The following CCDC141 variants were observed in gnomAD, a reference collection of about 807,000 sequenced individuals.
CCDC141 encodes coiled-coil domain-containing protein 141.
Under a neutral mutation model 181.0 loss-of-function variants are expected in CCDC141, and 168 were observed. That is an observed-to-expected ratio of 0.93 (90% confidence interval 0.82 to 1.05). The LOEUF is 1.05. Ranked by LOEUF, CCDC141 falls within the 50% of genes least tolerant of loss-of-function variation. The pLI, the probability that CCDC141 is intolerant of heterozygous loss-of-function variation, is 0.00. For synonymous variants in CCDC141, 666 were observed against 642.3 expected (o/e 1.04, Z -0.56); for missense variants, 1,902 against 1,788.5 (o/e 1.06, Z -1.14).
rs1405218994 is a variant in CCDC141, at chr2:178,837,223, T to C, written c.3996A>G (p.Leu1332=). 2 of 1,614,078 alleles carry C rather than the reference T, an allele frequency of 1.2e-6. No homozygotes were observed. The change falls in exon 23 of 24, where the codon TTA becomes TTG. Residue 1332 remains leucine, a synonymous_variant. Transcript: ENST00000443758. The stretch of plus-strand genomic sequence containing the variant: ...CACCCTGAGCCTGAGGGTGCTGCTG[T>C]AAAGCTCTCTCATGCACTTCACTCA... ...SMMSEVHERA[L]QQHPQAQGGL...
intron 4 of CCDC141, among the ~76,000 whole-genome samples, chr2:178,972,346 C>A (rs147342132): frequency 6.6e-6 from 1 of 152,156 alleles, no homozygotes; most frequent in Non-Finnish European, 1.5e-5. Flanking sequence ...ACAAATAACA[C>A]GCAACAAATA....
rs555044029 is a variant in CCDC141, at chr2:178,862,317, G to A, written c.2724+3450C>T. Reference sequence around the variant, plus strand: ...AACTTGAGAACACGGATACCAACCCGATTCTGTCATTACTATTCTTTTCAG... The same window carrying A: ...AACTTGAGAACACGGATACCAACCCAATTCTGTCATTACTATTCTTTTCAG... On this transcript the variant is annotated intron_variant, in intron 17 of 23. Transcript: ENST00000443758. 3.6e-4 allele frequency among the ~76,000 whole-genome samples: 55 copies of A among 152,256 alleles called. 1 individual carries two copies. The highest frequency in any genetic ancestry group is 1.2e-3 in the African/African-American group (51 of 41,550).
At chr2:178,874,293 T>C (rs910969760) in intron 12 of CCDC141, 2 of 152,200 alleles carry the variant, frequency 1.3e-5, no homozygotes, top group African/African-American at 2.4e-5. Flanking sequence ...AGGAGGAACT[T>C]ATTTATCATA....
At chr2:178,885,274 A>G (rs868197259) in intron 10 of CCDC141, among the ~76,000 whole-genome samples, 182 bp from the exon 11 acceptor site, 6 of 151,860 alleles carry the variant, frequency 4.0e-5, no homozygotes, top group African/African-American at 1.4e-4. Flanking sequence ...CTTTAGAATG[A>G]AAATCATTTC....
intron 6 of CCDC141, among the ~76,000 whole-genome samples, chr2:178,937,602 A>C (rs1009976643): frequency 6.6e-6 from 1 of 151,892 alleles, no homozygotes; most frequent in African/African-American, 2.4e-5. Flanking sequence ...TGAGTTGGGG[A>C]GGAGTCCTTC....
At chr2:178,970,480 A>G (rs1429306181) in intron 4 of CCDC141, among the ~76,000 whole-genome samples, 1 of 152,190 alleles carries the variant, frequency 6.6e-6, no homozygotes, top group Non-Finnish European at 1.5e-5. Context: ...ATCTACAACC[A>G]TCTGATCTTT....
intron 7 of CCDC141, chr2:178,915,761 G>T (rs1688418452): frequency 6.6e-6 from 1 of 152,220 alleles, no homozygotes; most frequent in Admixed American, 6.5e-5. Flanking sequence ...CCACTTCTCA[G>T]TGTTGGGTCT....
downstream of CCDC141, among the ~76,000 whole-genome samples, chr2:178,824,916 A>T (rs1684098715): frequency 6.6e-6 from 1 of 152,164 alleles, no homozygotes. Context: ...GCCTTCGATA[A>T]AATACAAGTT....
intron 2 of CCDC141, among the ~76,000 whole-genome samples, chr2:178,982,478 G>A (rs1691463650): frequency 1.3e-5 from 2 of 152,222 alleles, no homozygotes; most frequent in East Asian, 3.8e-4. Flanking sequence ...TGGCCGAACA[G>A]GAACAGCTCT....
chr2:178,834,030 G>T lies in CCDC141; in HGVS notation c.*143C>A. 2.6e-6 allele frequency: 2 copies of T among 776,276 alleles called. No homozygotes were observed. The highest frequency in any genetic ancestry group is 4.0e-6 in the Non-Finnish European group (2 of 498,748). 48.1% of individuals were successfully genotyped at this position (776,276 alleles called of 1,614,324 possible). A position where few individuals can be genotyped will look rare whatever the true frequency, so the allele number is the denominator to read the frequency against. ...CCAGAAAATTTGATTATTTCACCTA[G>T]CAGTGGTATTAGCCAAACAAGTATG... is the stretch of plus-strand genomic sequence containing the variant. On this transcript the variant is annotated 3_prime_UTR_variant, in exon 24 of 24. Transcript: ENST00000443758.
chr2:178,898,269 T>C (rs1687508846), intron 8 of CCDC141, among the ~76,000 whole-genome samples: 1 of 152,214 alleles, frequency 6.6e-6, no homozygotes, highest in Non-Finnish European at 1.5e-5. Context: ...TTTTCACACA[T>C]ACCTGGTTTC....
intron 8 of CCDC141, among the ~76,000 whole-genome samples, chr2:178,904,840 C>T (rs1224426781): frequency 6.6e-6 from 1 of 151,986 alleles, no homozygotes; most frequent in East Asian, 1.9e-4. Context: ...GGTCTGGTGC[C>T]CATGCTGTTG....
At chr2:178,828,999 A>AT (rs1684169695), downstream of CCDC141, among the ~76,000 whole-genome samples, 1 of 152,190 alleles carries the variant, frequency 6.6e-6, no homozygotes, top group Non-Finnish European at 1.5e-5. Context: ...TGGAGCTGCT[A>AT]TTTTACAAGT....
chr2:178,893,511 C>G (rs1687254372), intron 8 of CCDC141, among the ~76,000 whole-genome samples: 3 of 151,978 alleles, frequency 2.0e-5, no homozygotes, highest in Admixed American at 6.6e-5. Context: ...GATCAGCTGA[C>G]CATATTTTTC....
chr2:178,993,312 C>G (rs1310320387), intron 2 of CCDC141, among the ~76,000 whole-genome samples: 1 of 152,184 alleles, frequency 6.6e-6, no homozygotes, highest in Admixed American at 6.5e-5. Context: ...TAATGGAGTA[C>G]TCACAGTTAC....
At chr2:178,988,332 G>T (rs1209807018) in intron 2 of CCDC141, among the ~76,000 whole-genome samples, 1 of 110,656 alleles carries the variant, frequency 9.0e-6, no homozygotes, top group Non-Finnish European at 1.8e-5. Context: ...GGTGGGGGGA[G>T]GGGGGAGGGA....
At chr2:179,028,079 C>A (rs2042903984) in intron 2 of CCDC141, among the ~76,000 whole-genome samples, 1 of 152,160 alleles carries the variant, frequency 6.6e-6, no homozygotes, top group Admixed American at 6.5e-5. Flanking sequence ...GTCACCATCC[C>A]AGACTTCCCA....
intron 8 of CCDC141, among the ~76,000 whole-genome samples, chr2:178,903,080 T>G (rs1277254244): frequency 6.7e-6 from 1 of 148,318 alleles, no homozygotes; most frequent in Non-Finnish European, 1.5e-5. Flanking sequence ...CCAGTCAGAA[T>G]GGCAATCATT....
intron 2 of CCDC141, among the ~76,000 whole-genome samples, chr2:179,032,125 C>A (rs1338263497): frequency 6.6e-6 from 1 of 152,100 alleles, no homozygotes; most frequent in African/African-American, 2.4e-5. Flanking sequence ...GGAAACCCCC[C>A]TTACTGGTTC....
Sources: gnomAD v4.1 joint callset for allele counts (sites outside exome capture counted in the v4.1 genomes callset) on GRCh38, gnomAD v4.1.1 for gene constraint, MANE v1.5 for transcripts, NCBI Gene and HGNC (gene_info 2026-07-23, HGNC 2026-07-21) for gene names.